Variants in RBPMS observed in about 807,000 individuals in gnomAD.
RBPMS encodes RNA-binding protein with multiple splicing.
RBPMS carries 7 observed loss-of-function variants against 26.8 expected under a neutral mutation model. The observed-to-expected ratio is 0.26, with a 90% confidence interval of 0.15 to 0.49. RBPMS has a LOEUF of 0.49. Ranked by LOEUF, RBPMS falls within the 20% of genes least tolerant of loss-of-function variation. The probability of loss-of-function intolerance (pLI) is 0.98; values close to 1 mark genes in which losing one functional copy is unlikely to be tolerated. For missense variants in RBPMS, 186 were observed against 250.0 expected (o/e 0.74, Z 1.73); for synonymous variants, 96 against 93.3 (o/e 1.03, Z -0.17).
intron 6 of RBPMS, among the ~76,000 whole-genome samples, chr8:30,548,348 C>T (rs1254777180): frequency 1.7e-5 from 2 of 115,404 alleles, no homozygotes; most frequent in African/African-American, 7.4e-5. Flanking sequence ...GTATACTGTC[C>T]TTACCACATT....
intron 4 of RBPMS, among the ~76,000 whole-genome samples, chr8:30,479,758 T>C (rs558844338): frequency 2.6e-5 from 4 of 152,222 alleles, no homozygotes; most frequent in East Asian, 1.9e-4. Context: ...TCAGAATAGA[T>C]TGAAATCCTG....
intron 5 of RBPMS, among the ~76,000 whole-genome samples, chr8:30,517,062 A>G (rs28644475): frequency 0.034 from 5,195 of 152,274 alleles, 309 homozygotes; most frequent in African/African-American, 0.12. Flanking sequence ...ATGAATAGCT[A>G]TACAGATATA....
Position 30,529,319 on chromosome 8 carries a change from C to G in RBPMS, c.398-15175C>G, listed in dbSNP as rs1311035075. ...AATTATATTCACAGTGTTTTGCATC[C>G]ATCACCACTATCTATTTCCAAAACT... On this transcript the variant is annotated intron_variant, in intron 5 of 8. Coordinates refer to ENST00000397323, the MANE Select transcript of RBPMS (RefSeq NM_001008710.3). Among the ~76,000 whole-genome samples the G allele has an allele frequency of 4.0e-5, 6 of 151,884 alleles. No individual in the cohort carries two copies. In the East Asian group the frequency reaches 1.2e-3, roughly 29 times the overall value.
At chr8:30,499,681 C>T (rs1239054254) in intron 4 of RBPMS, among the ~76,000 whole-genome samples, 1 of 152,060 alleles carries the variant, frequency 6.6e-6, no homozygotes, top group African/African-American at 2.4e-5. Context: ...AAATATCAAG[C>T]TCATGAAAGG....
chr8:30,421,172 A>AGT (rs1043847023), intron 1 of RBPMS, among the ~76,000 whole-genome samples: 3 of 150,488 alleles, frequency 2.0e-5, no homozygotes, highest in Admixed American at 6.7e-5. Flanking sequence ...TGTGAGAGAG[A>AGT]GTGTGTGTGT....
intron 4 of RBPMS, among the ~76,000 whole-genome samples, chr8:30,500,977 C>G (rs1425443347): frequency 6.6e-6 from 1 of 152,004 alleles, no homozygotes; most frequent in Non-Finnish European, 1.5e-5. Context: ...CTGTGATTCT[C>G]AAATGTGGTC....
intron 1 of RBPMS, 150 bp from the exon 2 acceptor site, chr8:30,474,629 A>C: frequency 1.7e-6 from 1 of 578,362 alleles, no homozygotes; most frequent in South Asian, 2.8e-5. Context: ...GTGGCATCTT[A>C]ACAGTGAAGT....
chr8:30,557,968 G>A lies in RBPMS; in HGVS notation c.529-919G>A, dbSNP rs141268972. Among the ~76,000 whole-genome samples the A allele has an allele frequency of 7.9e-5, 12 of 152,282 alleles. No individual in the cohort carries two copies. In the East Asian group the frequency reaches 2.1e-3, roughly 27 times the overall value. On this transcript the variant is annotated intron_variant, in intron 6 of 8. Coordinates refer to ENST00000397323, the MANE Select transcript of RBPMS (RefSeq NM_001008710.3). ...CAACCTCCCCCCTCCTGGTTCAAGC[G>A]ATTCTCCTGCCTCAGCCTCCCAAGC...
intron 1 of RBPMS, among the ~76,000 whole-genome samples, chr8:30,433,108 C>G (rs549092994): frequency 3.3e-5 from 5 of 152,300 alleles, no homozygotes; most frequent in East Asian, 1.9e-4. Context: ...CTCACTCCCC[C>G]CAAACTTGAC....
rs553109762 is a variant in RBPMS, at chr8:30,519,398, T to C, written c.397+14962T>C. Among the ~76,000 whole-genome samples the C allele has an allele frequency of 7.8e-4, 118 of 152,024 alleles. 1 individual carries two copies. Among genetic ancestry groups the C allele is most frequent in the Non-Finnish European group, 1.3e-3 (87 of 67,964 alleles). On this transcript the variant is annotated intron_variant, in intron 5 of 8. Transcript: ENST00000397323. ...CAGTCCATATATTGCATTAGTTATG[T>C]CTTTTAAGTGCCTTTTAATCTAGAG...
At chr8:30,392,711 T>G (rs536418464) in intron 1 of RBPMS, among the ~76,000 whole-genome samples, 81 of 152,294 alleles carry the variant, frequency 5.3e-4, no homozygotes, top group Non-Finnish European at 4.4e-5. Context: ...AACTGTCAGA[T>G]GTGCGGGAGA....
rs1268221826 is a variant in RBPMS at position 30,384,987 on chromosome 8, C to A, written c.-106C>A. 4 of 797,330 alleles carry A rather than the reference C, an allele frequency of 5.0e-6. No individual in the cohort carries two copies. The East Asian group carries it at 1.1e-4, about 22-fold the overall frequency. 49.4% of individuals were successfully genotyped at this position (797,330 alleles called of 1,614,324 possible). A position where few individuals can be genotyped will look rare whatever the true frequency, so the allele number is the denominator to read the frequency against. On this transcript the variant is annotated 5_prime_UTR_variant, in exon 1 of 9. Coordinates refer to ENST00000397323, the MANE Select transcript of RBPMS (RefSeq NM_001008710.3). The surrounding 1 kb of genome is among the most constrained non-coding windows in gnomAD (Gnocchi z 5.6). ...CTCCAGCCCCACAGCCCGCGGCGCC[C>A]GCCCGAGGGAGCCCCGGCGCCCGGG... is the stretch of plus-strand genomic sequence containing the variant.
intron 1 of RBPMS, among the ~76,000 whole-genome samples, chr8:30,408,276 T>A (rs1337919847): frequency 6.6e-6 from 1 of 152,078 alleles, no homozygotes; most frequent in East Asian, 1.9e-4. Context: ...ACACCAGCAA[T>A]CCAGCACTTT....
chr8:30,432,204 A>G (rs561718916), intron 1 of RBPMS, among the ~76,000 whole-genome samples: 1 of 152,308 alleles, frequency 6.6e-6, no homozygotes, highest in Admixed American at 6.5e-5. Flanking sequence ...TTACTTATTA[A>G]CAAAGTTTGA....
intron 5 of RBPMS, among the ~76,000 whole-genome samples, chr8:30,541,094 A>G (rs1825344139): frequency 6.6e-6 from 1 of 152,236 alleles, no homozygotes; most frequent in African/African-American, 2.4e-5. Flanking sequence ...TCAGAGATAC[A>G]TGGCCATACT....
intron 8 of RBPMS, among the ~76,000 whole-genome samples, chr8:30,569,420 T>G (rs1279113467): frequency 2.6e-5 from 4 of 152,130 alleles, no homozygotes; most frequent in Non-Finnish European, 5.9e-5. Context: ...AGGAAGCCCT[T>G]AAGATCTCCA....
chr8:30,442,979 T>A (rs189904591), intron 1 of RBPMS, among the ~76,000 whole-genome samples: 5 of 152,324 alleles, frequency 3.3e-5, no homozygotes, highest in Non-Finnish European at 7.3e-5. Flanking sequence ...CATAGCTTTT[T>A]AAAAAACTTT....
chr8:30,522,170 A>G (rs896851817), intron 5 of RBPMS, among the ~76,000 whole-genome samples: 2 of 152,090 alleles, frequency 1.3e-5, no homozygotes, highest in African/African-American at 4.8e-5. Context: ...CCAGTGGCAC[A>G]GGCCTATAGT....
At chr8:30,471,834 G>A (rs552506301) in intron 1 of RBPMS, among the ~76,000 whole-genome samples, 30 of 152,246 alleles carry the variant, frequency 2.0e-4, no homozygotes, top group African/African-American at 7.0e-4. Flanking sequence ...TTATCTGGTG[G>A]CAAAGTTGGG....
Sources: gnomAD v4.1 joint callset for allele counts (sites outside exome capture counted in the v4.1 genomes callset) on GRCh38, gnomAD v4.1.1 for gene constraint, Gnocchi (gnomAD v3.1) non-coding constraint, MANE v1.5 for transcripts, NCBI Gene and HGNC (gene_info 2026-07-23, HGNC 2026-07-21) for gene names.